The following PPA2 variants were observed in gnomAD, a reference collection of about 807,000 sequenced individuals.
PPA2 encodes the protein inorganic pyrophosphatase 2.
A neutral mutation model predicts 49.5 loss-of-function variants in PPA2; 48 were observed. That is an observed-to-expected ratio of 0.97 (90% CI 0.77 to 1.23). The LOEUF (loss-of-function observed/expected upper bound fraction) is 1.23, where lower values mean the gene tolerates loss of function less well. Ranked by LOEUF, PPA2 falls within the 50% of genes most tolerant of loss-of-function variation. PPA2 has a pLI of 0.00. For missense variants in PPA2, 429 were observed against 410.1 expected, an observed-to-expected ratio of 1.05 and a Z score of -0.40; for synonymous variants, 131 against 139.9, an observed-to-expected ratio of 0.94 and a Z score of 0.45.
At chr4:105,373,121 G>GA (rs1491469658) in intron 10 of PPA2, among the ~76,000 whole-genome samples, 9 of 140,968 alleles carry the variant, frequency 6.4e-5, no homozygotes, top group African/African-American at 2.3e-4. Context: ...TAACAGGCAT[G>GA]AGCACCGTGC....
intron 5 of PPA2, among the ~76,000 whole-genome samples, chr4:105,441,094 G>A (rs1271268121): frequency 6.6e-6 from 1 of 152,186 alleles, no homozygotes; most frequent in Admixed American, 6.5e-5. Flanking sequence ...ATGCCCTCTT[G>A]TGGAGTCTTA....
At position 105,405,623 on chromosome 4, in the gene PPA2, G is replaced by A. The variant is rs1722431867; in HGVS notation, c.656-6459C>T. ...ATCAGCAAATAAAAAGACTCCTCAA[G>A]TTTCCAAAGCATTCTGCTTCGGAAA... is the stretch of plus-strand genomic sequence containing the variant. On this transcript the variant is annotated intron_variant, in intron 7 of 11. Transcript: ENST00000341695. 5 of 1,012,246 alleles carry A rather than the reference G, an allele frequency of 4.9e-6. 1 individual carries two copies. In the South Asian group the frequency reaches 1.9e-4, roughly 39 times the overall value. 62.7% of individuals were successfully genotyped at this position (1,012,246 alleles called of 1,614,324 possible).
chr4:105,435,528 A>G (rs1171817095), intron 6 of PPA2, among the ~76,000 whole-genome samples: 1 of 152,140 alleles, frequency 6.6e-6, no homozygotes, highest in Admixed American at 6.6e-5. Flanking sequence ...TAAGAACCTG[A>G]GAAATACACT....
At chr4:105,449,498 C>T in intron 3 of PPA2, 95 bp from the exon 4 acceptor site, 1 of 701,688 alleles carries the variant, frequency 1.4e-6, no homozygotes, top group South Asian at 2.2e-5. Flanking sequence ...GATGTTTTCC[C>T]CCGACAAAAA....
At chr4:105,472,566 G>A (rs1723568226) in intron 1 of PPA2, among the ~76,000 whole-genome samples, 1 of 152,032 alleles carries the variant, frequency 6.6e-6, no homozygotes, top group South Asian at 2.1e-4. Context: ...ATCATCACAT[G>A]GTAACCTTTT....
intron 9 of PPA2, among the ~76,000 whole-genome samples, chr4:105,395,449 G>A (rs1401039693): frequency 6.6e-6 from 1 of 152,032 alleles, no homozygotes; most frequent in Non-Finnish European, 1.5e-5. Context: ...AAATGTGTTC[G>A]TCAATTGTAC....
Position 105,401,945 on chromosome 4 carries a change from T to G in PPA2, c.656-2781A>C, listed in dbSNP as rs527415203. 2.6e-5 allele frequency among the ~76,000 whole-genome samples: 4 copies of G among 152,294 alleles called. No individual in the cohort carries two copies. The South Asian group carries it at 6.2e-4, about 24-fold the overall frequency. On this transcript the variant is annotated intron_variant, in intron 7 of 11. Coordinates refer to ENST00000341695, the MANE Select transcript of PPA2 (RefSeq NM_176869.3). ...TAGCTTTACCAAGCATCAGGTGTGT[T>G]TATTCCCAAACCATTTATGCTAACT...
chr4:105,414,973 C>G (rs1411379265), intron 7 of PPA2, among the ~76,000 whole-genome samples: 2 of 152,148 alleles, frequency 1.3e-5, no homozygotes, highest in African/African-American at 2.4e-5. Flanking sequence ...CAGCCCTCAG[C>G]AGAGAGGACA....
chr4:105,467,940 CAAGAA>C (rs1723374130), intron 1 of PPA2, among the ~76,000 whole-genome samples: 2 of 152,110 alleles, frequency 1.3e-5, no homozygotes, highest in East Asian at 3.9e-4. Context: ...ATTCTGAGTT[CAAGAA>C]GAGATGCGGC....
At chr4:105,463,540 T>A (rs1418890084) in intron 1 of PPA2, among the ~76,000 whole-genome samples, 1 of 152,168 alleles carries the variant, frequency 6.6e-6, no homozygotes, top group Admixed American at 6.5e-5. Context: ...AGAAGCCAAA[T>A]GTTCGTCCCC....
In PPA2 at chr4:105,396,271, A is replaced by G. The variant is rs1056963570; in HGVS notation, c.847T>C (p.Cys283Arg). The G allele has an allele frequency of 1.3e-6, 2 of 1,594,584 alleles. No individual in the cohort carries two copies. Among genetic ancestry groups the G allele is most frequent in the Non-Finnish European group, 1.7e-6 (2 of 1,169,616 alleles). ...QCWKALLMKKCNGGAINCTNV... is the reference protein window; with the variant it reads ...QCWKALLMKKRNGGAINCTNV... ...TACCAATTTATAGCTCCTCCATTAC[A>G]CTTCTTCATAAGCAATGCTTTCCAA... is the stretch of plus-strand genomic sequence containing the variant. The change falls in exon 9 of 12, where the codon TGT becomes CGT. Residue 283 changes from cysteine to arginine, a missense_variant. By Grantham distance (180) the Cys-to-Arg change is radical (BLOSUM62 -3). Coordinates refer to ENST00000341695, the MANE Select transcript of PPA2 (RefSeq NM_176869.3).
chr4:105,435,781 G>A (rs1036596870), intron 6 of PPA2, among the ~76,000 whole-genome samples: 3 of 151,996 alleles, frequency 2.0e-5, no homozygotes, highest in African/African-American at 4.8e-5. Context: ...AACCTTCAAC[G>A]AACTAGGCAC....
At chr4:105,468,808 T>C (rs1723409345) in intron 1 of PPA2, among the ~76,000 whole-genome samples, 1 of 152,214 alleles carries the variant, frequency 6.6e-6, no homozygotes. Flanking sequence ...GCATTAGACC[T>C]GCATGGGAAA....
At chr4:105,431,845 T>A (rs143950369) in intron 6 of PPA2, among the ~76,000 whole-genome samples, 207 of 152,296 alleles carry the variant, frequency 1.4e-3, no homozygotes, top group Non-Finnish European at 2.6e-3. Context: ...ACATATCATG[T>A]GAGACCATTT....
intron 2 of PPA2, among the ~76,000 whole-genome samples, chr4:105,455,574 G>A (rs908859114): frequency 5.3e-5 from 8 of 152,164 alleles, no homozygotes; most frequent in African/African-American, 1.9e-4. Flanking sequence ...CAGAAGGATT[G>A]AGATAAACCA....
chr4:105,380,569 G>A (rs72962273), intron 10 of PPA2, among the ~76,000 whole-genome samples: 5,016 of 152,148 alleles, frequency 0.033, 279 homozygotes, highest in African/African-American at 0.11. Flanking sequence ...ATTTAGAAGA[G>A]TTAATATTGT....
At position 105,369,692 on chromosome 4, in the gene PPA2, G is replaced by A; in HGVS notation, c.*33C>T. 2 of 1,555,268 alleles carry A rather than the reference G, an allele frequency of 1.3e-6. No individual in the cohort carries two copies. Among genetic ancestry groups the A allele is most frequent in the Non-Finnish European group, 1.8e-6 (2 of 1,126,594 alleles). ...CTAGCACTTGGAGTCCTTAGAGATGGGAATCTTGACAGCAGAATTTCAGAT... is the reference window on the plus strand; with the variant it reads ...CTAGCACTTGGAGTCCTTAGAGATGAGAATCTTGACAGCAGAATTTCAGAT... On this transcript the variant is annotated 3_prime_UTR_variant, in exon 12 of 12. Coordinates refer to ENST00000341695, the MANE Select transcript of PPA2 (RefSeq NM_176869.3).
At chr4:105,470,583 TAATC>T (rs987404574) in intron 1 of PPA2, among the ~76,000 whole-genome samples, 3 of 152,202 alleles carry the variant, frequency 2.0e-5, no homozygotes, top group Admixed American at 6.5e-5. Flanking sequence ...CACTTCAAAA[TAATC>T]AATCACATCA....
chr4:105,450,753 A>G lies in PPA2; in HGVS notation c.268-1350T>C, dbSNP rs1255347988. ...CTCCCGAGTAGCTGGGACTACAGGCACCCGCCACCACTTCCGGCTAATTTT... is the reference window on the plus strand; with the variant it reads ...CTCCCGAGTAGCTGGGACTACAGGCGCCCGCCACCACTTCCGGCTAATTTT... On this transcript the variant is annotated intron_variant, in intron 3 of 11. Coordinates refer to ENST00000341695, the MANE Select transcript of PPA2 (RefSeq NM_176869.3). 5.9e-5 allele frequency among the ~76,000 whole-genome samples: 9 copies of G among 151,490 alleles called. No individual in the cohort carries two copies. The South Asian group carries it at 1.9e-3, about 32-fold the overall frequency.
Sources: gnomAD v4.1 joint callset for allele counts (sites outside exome capture counted in the v4.1 genomes callset) on GRCh38, gnomAD v4.1.1 for gene constraint, MANE v1.5 for transcripts, NCBI Gene and HGNC (gene_info 2026-07-23, HGNC 2026-07-21) for gene names.